The following RPH3AL variants were observed in gnomAD, a reference collection of about 807,000 sequenced individuals.
The protein encoded by RPH3AL is rabphilin 3A like (without C2 domains).
Under a neutral mutation model 43.1 loss-of-function variants are expected in RPH3AL, and 38 were observed. That is an observed-to-expected ratio of 0.88 (90% CI 0.68 to 1.15). The LOEUF (loss-of-function observed/expected upper bound fraction) is 1.15. Among genes scored for constraint, RPH3AL ranks in the 50% most tolerant of loss-of-function variants. The pLI is 0.00. For missense variants in RPH3AL, 462 were observed against 423.2 expected, an observed-to-expected ratio of 1.09 and a Z score of -0.81; for synonymous variants, 189 against 176.3, an observed-to-expected ratio of 1.07 and a Z score of -0.57.
intron 5 of RPH3AL, among the ~76,000 whole-genome samples, chr17:313,872 G>A (rs1357035734): frequency 3.9e-5 from 6 of 152,102 alleles, no homozygotes; most frequent in Non-Finnish European, 8.8e-5. Flanking sequence ...ATCCAGCTGT[G>A]CTCCCCTAAT....
At position 215,768 on chromosome 17, in the gene RPH3AL, G is replaced by A; in HGVS notation, c.762C>T (p.Thr254=). Residue 254 remains threonine, a synonymous_variant, in exon 9 of 10, where the codon ACC becomes ACT. Coordinates refer to ENST00000331302, the MANE Select transcript of RPH3AL (RefSeq NM_006987.4). This position sits in a 1 kb window ranked among gnomAD's most constrained non-coding sequence, Gnocchi z 4.1. ...ACCCAGAGAGGTGGCCCGGCGGGTGGGTGAACCCCATCCTGGGGGCCTCCA... is the reference window on the plus strand; with the variant it reads ...ACCCAGAGAGGTGGCCCGGCGGGTGAGTGAACCCCATCCTGGGGGCCTCCA... The part of the protein sequence containing the change: ...GSVEAPRMGF[T]HPPGHLSGCQ... 7.6e-7 allele frequency: 1 copy of A among 1,307,634 alleles called. No individual in the cohort carries two copies. The highest frequency in any genetic ancestry group is 1.5e-5 in the African/African-American group (1 of 64,868). The allele number at this position is 1,307,634 out of a possible 1,614,324, so 81.0% of individuals were successfully genotyped here. A position where few individuals can be genotyped will look rare whatever the true frequency, so the allele number is the denominator to read the frequency against.
rs2044522784 is a variant in RPH3AL, at chr17:323,010, T to C, written c.78-1595A>G. ...ATGAGAATTAATGAGGCAGGGTAGA[T>C]AAGGTGCTTTTACATAGCAAATTCC... On this transcript the variant is annotated intron_variant, in intron 3 of 9. Transcript: ENST00000331302. This position sits in a 1 kb window ranked among gnomAD's most constrained non-coding sequence, Gnocchi z 4.4. Among the ~76,000 whole-genome samples, 1 of 152,100 alleles carries C rather than the reference T, an allele frequency of 6.6e-6. No homozygotes were observed. Among genetic ancestry groups the C allele is most frequent in the Non-Finnish European group, 1.5e-5 (1 of 68,012 alleles).
At chr17:257,192 C>T (rs1208528018) in intron 6 of RPH3AL, among the ~76,000 whole-genome samples, 67 of 37,468 alleles carry the variant, frequency 1.8e-3, no homozygotes, top group Non-Finnish European at 2.4e-3. Context: ...ATGAGGGGAG[C>T]CGCACGGTGT....
chr17:326,632 G>A (rs2044627841), intron 3 of RPH3AL, among the ~76,000 whole-genome samples: 1 of 152,188 alleles, frequency 6.6e-6, no homozygotes, highest in Non-Finnish European at 1.5e-5. Context: ...TGTAATCCCA[G>A]CACTTTGGGA....
chr17:232,104 G>A (rs146601211), intron 7 of RPH3AL, among the ~76,000 whole-genome samples: 40 of 152,288 alleles, frequency 2.6e-4, no homozygotes, highest in African/African-American at 9.4e-4. Flanking sequence ...GTGAGCTTCC[G>A]TTTCAAAACA....
In RPH3AL at chr17:348,017, T is replaced by A. The variant is rs1463476755; in HGVS notation, c.-213+4695A>T. Reference sequence around the variant, plus strand: ...CCCATCTCTACCAAAAAAAAAAAAATTAAATTAATTAAAAGAAAAATGAGG... The same window carrying A: ...CCCATCTCTACCAAAAAAAAAAAAAATAAATTAATTAAAAGAAAAATGAGG... On this transcript the variant is annotated intron_variant, in intron 1 of 9. Coordinates refer to ENST00000331302, the MANE Select transcript of RPH3AL (RefSeq NM_006987.4). Among the ~76,000 whole-genome samples, 83 of 136,180 alleles carry A rather than the reference T, an allele frequency of 6.1e-4. 1 individual carries two copies. Among genetic ancestry groups the A allele is most frequent in the African/African-American group, 2.0e-3 (71 of 35,936 alleles). 89.3% of individuals were successfully genotyped at this position (136,180 alleles called of 152,430 possible). A position where few individuals can be genotyped will look rare whatever the true frequency, so the allele number is the denominator to read the frequency against.
At chr17:286,148 G>A (rs1274381037) in intron 5 of RPH3AL, among the ~76,000 whole-genome samples, 1 of 152,210 alleles carries the variant, frequency 6.6e-6, no homozygotes, top group East Asian at 1.9e-4. Flanking sequence ...GAGAAGCCAG[G>A]AGAGTGTCCA....
chr17:301,003 T>C (rs56709577), intron 5 of RPH3AL, among the ~76,000 whole-genome samples: 31,329 of 152,260 alleles, frequency 0.21, 3,449 homozygotes, highest in Non-Finnish European at 0.26. Context: ...GGGCCGTGAC[T>C]CCTCCACGTA....
intron 2 of RPH3AL, among the ~76,000 whole-genome samples, chr17:329,345 GA>G (rs899143465): frequency 1.2e-4 from 18 of 152,118 alleles, no homozygotes; most frequent in Non-Finnish European, 2.4e-4. Flanking sequence ...GTGTGGTGGC[GA>G]GTGCCTGTAA....
intron 6 of RPH3AL, among the ~76,000 whole-genome samples, chr17:251,739 G>A (rs1362993452): frequency 1.3e-5 from 2 of 152,224 alleles, no homozygotes; most frequent in African/African-American, 4.8e-5. Flanking sequence ...AAAAGGCCAC[G>A]GGGGCCATGG....
chr17:337,010 C>T (rs564394508), intron 1 of RPH3AL, among the ~76,000 whole-genome samples: 15 of 152,356 alleles, frequency 9.8e-5, no homozygotes, highest in African/African-American at 3.4e-4. Context: ...GGGGCATTTA[C>T]CTGTTACCCC....
intron 5 of RPH3AL, among the ~76,000 whole-genome samples, chr17:304,771 C>A (rs182480896): frequency 6.6e-6 from 1 of 151,964 alleles, no homozygotes; most frequent in African/African-American, 2.4e-5. Flanking sequence ...TGTTCCCTCC[C>A]GCCCTGCCCC....
chr17:317,383 G>A (rs1190741158), intron 5 of RPH3AL, among the ~76,000 whole-genome samples: 1 of 147,560 alleles, frequency 6.8e-6, no homozygotes, highest in African/African-American at 2.6e-5. Context: ...TGTAGTCCCT[G>A]TGGCCCCACG....
At chr17:235,576 G>A (rs1382404230) in intron 7 of RPH3AL, among the ~76,000 whole-genome samples, 4 of 144,920 alleles carry the variant, frequency 2.8e-5, no homozygotes, top group Non-Finnish European at 6.1e-5. Context: ...GGTCGGTGGA[G>A]GCTCCACACT....
intron 2 of RPH3AL, among the ~76,000 whole-genome samples, chr17:327,812 G>A (rs1014068709): frequency 6.6e-6 from 1 of 152,184 alleles, no homozygotes; most frequent in African/African-American, 2.4e-5. Context: ...GTGGCCGAGT[G>A]ACAAGAGTGA....
intron 5 of RPH3AL, among the ~76,000 whole-genome samples, chr17:285,336 T>C (rs12951413): frequency 0.95 from 145,100 of 152,274 alleles, 69,496 homozygotes; most frequent in East Asian, 1. Flanking sequence ...CCCGGGCAAG[T>C]CACCCAAAGC....
chr17:310,035 G>A (rs1451111564), intron 5 of RPH3AL, among the ~76,000 whole-genome samples: 1 of 151,962 alleles, frequency 6.6e-6, no homozygotes, highest in Admixed American at 6.5e-5. Context: ...GGACACCTTT[G>A]GCTGAGACCA....
chr17:297,467 C>T (rs919635419), intron 5 of RPH3AL, among the ~76,000 whole-genome samples: 1 of 152,154 alleles, frequency 6.6e-6, no homozygotes, highest in Non-Finnish European at 1.5e-5. Flanking sequence ...GGGACCGAGC[C>T]CTCGTCCTGT....
At chr17:235,551 C>A (rs112352157) in intron 7 of RPH3AL, among the ~76,000 whole-genome samples, 723 of 51,878 alleles carry the variant, frequency 0.014, 25 homozygotes, top group Middle Eastern at 0.032. Context: ...AGACGGGTCC[C>A]GGGTTCAAAG....
Sources: allele counts gnomAD v4.1 joint callset (sites outside exome capture counted in the v4.1 genomes callset), GRCh38; gene constraint gnomAD v4.1.1; non-coding constraint Gnocchi (gnomAD v3.1); transcripts MANE v1.5; gene names NCBI Gene and HGNC (gene_info 2026-07-23, HGNC 2026-07-21).